Variants in IL12RB1 observed in about 807,000 individuals in gnomAD.
IL12RB1 encodes the protein interleukin 12 receptor subunit beta 1.
IL12RB1 carries 64 observed loss-of-function variants against 94.4 expected under a neutral mutation model. The observed-to-expected ratio is 0.68, with a 90% CI of 0.55 to 0.83. IL12RB1 has a LOEUF of 0.83. IL12RB1 is among the 40% of genes least tolerant of loss of function. The probability of loss-of-function intolerance (pLI) is 0.00; values close to 1 mark genes in which losing one functional copy is unlikely to be tolerated. For synonymous variants in IL12RB1, 362 were observed against 355.5 expected (o/e 1.02, Z -0.21); for missense variants, 814 against 855.6 (o/e 0.95, Z 0.61).
At chr19:18,097,349 T>C (rs2037031441) in intron 1 of IL12RB1, among the ~76,000 whole-genome samples, 1 of 151,986 alleles carries the variant, frequency 6.6e-6, no homozygotes, top group African/African-American at 2.4e-5. Context: ...AAGTAATTTT[T>C]TTTTTGTTTT....
chr19:18,086,935 GA>G (rs746908722), upstream of IL12RB1: 7 of 1,539,572 alleles, frequency 4.5e-6, no homozygotes, highest in South Asian at 4.8e-5. Context: ...AGAAAAGACT[GA>G]AAAAAAAGAA....
chr19:18,072,268 G>C lies in IL12RB1; in HGVS notation c.865C>G (p.Leu289Val), dbSNP rs1208670735. The change falls in exon 9 of 17, where the codon CTG becomes GTG. Residue 289 changes from leucine (L) to valine (V), a missense_variant. Transcript: ENST00000593993. ...EVTYRLQLHMLSCPCKAKATR... is the reference protein window; with the variant it reads ...EVTYRLQLHMVSCPCKAKATR... ...GCCTTGGCCTTACACGGGCAGGACA[G>C]CATGTGGAGCTGTAGTCGGTAAGTG... The C allele has an allele frequency of 1.9e-6, 3 of 1,614,000 alleles. No homozygotes were observed. The highest frequency in any genetic ancestry group is 1.7e-5 in the Admixed American group (1 of 59,996).
Position 18,060,591 on chromosome 19 carries a change from G to A in IL12RB1, c.1792-506C>T, listed in dbSNP as rs76264960. Reference sequence around the variant, plus strand: ...ATTTCCCTCCCTCTTTTCACAGATGGTGTGGTTGACAGTGCAGTGACCCCA... The same window carrying A: ...ATTTCCCTCCCTCTTTTCACAGATGATGTGGTTGACAGTGCAGTGACCCCA... On this transcript the variant is annotated intron_variant, in intron 15 of 16. Transcript: ENST00000593993. Among the ~76,000 whole-genome samples the A allele has an allele frequency of 9.9e-3, 1,503 of 152,108 alleles. 102 individuals are homozygous for A. The East Asian group carries it at 0.19, about 19-fold the overall frequency.
rs1336490207 is a variant in IL12RB1 at position 18,077,587 on chromosome 19, C to A, written c.478G>T (p.Glu160Ter). ...GCACCAACCTGGTTATCCGGGGTCT[C>A]CCACTCCATACGCAGCTGCCCGGCC... ...KLAGQLRMEW[E>*]TPDNQVGAEV... Residue 160 changes from glutamate to a stop codon, truncating the protein, a stop_gained, in exon 5 of 17, where the codon GAG becomes TAG. Transcript: ENST00000593993. LOFTEE classifies it high-confidence loss of function. 6.2e-7 allele frequency: 1 copy of A among 1,605,386 alleles called. No homozygotes were observed. The highest frequency in any genetic ancestry group is 8.5e-7 in the Non-Finnish European group (1 of 1,172,198).
At chr19:18,092,514 T>C (rs984594713) in intron 1 of IL12RB1, among the ~76,000 whole-genome samples, 8 of 151,290 alleles carry the variant, frequency 5.3e-5, no homozygotes, top group Non-Finnish European at 1.2e-4. Flanking sequence ...AAAATAAAAA[T>C]ACAAAATTAG....
At chr19:18,078,683 T>TTTTG (rs963762879) in intron 4 of IL12RB1, among the ~76,000 whole-genome samples, 3 of 151,870 alleles carry the variant, frequency 2.0e-5, no homozygotes, top group South Asian at 2.1e-4. Flanking sequence ...CCAATTCTTT[T>TTTTG]TTTGTTTGTT....
chr19:18,061,233 GTTT>G (rs67773732), intron 14 of IL12RB1, 36 bp from the exon 15 acceptor site: 56 of 823,490 alleles, frequency 6.8e-5, no homozygotes, highest in Middle Eastern at 2.6e-4. Flanking sequence ...AGGAGCTGAG[GTTT>G]TTTTTTTTTT....
chr19:18,082,586 A>G (rs2035994004), intron 2 of IL12RB1, among the ~76,000 whole-genome samples: 1 of 152,138 alleles, frequency 6.6e-6, no homozygotes, highest in Admixed American at 6.6e-5. Context: ...TTTGTGATAG[A>G]CATTTGTTTG....
chr19:18,071,909 C>A (rs1738203598), intron 9 of IL12RB1, among the ~76,000 whole-genome samples: 5 of 152,200 alleles, frequency 3.3e-5, no homozygotes, highest in African/African-American at 1.2e-4. Flanking sequence ...AGGTGATTCA[C>A]CTGTCTTAGC....
At chr19:18,098,277 G>T (rs2037180179) in intron 1 of IL12RB1, among the ~76,000 whole-genome samples, 1 of 152,164 alleles carries the variant, frequency 6.6e-6, no homozygotes, top group Non-Finnish European at 1.5e-5. Context: ...ACGACCTGGG[G>T]AGGTTGGGGC....
In IL12RB1 at chr19:18,066,640, A is replaced by G. The variant is rs546856238; in HGVS notation, c.1385T>C (p.Val462Ala). 1.2e-6 allele frequency: 2 copies of G among 1,612,004 alleles called. No individual in the cohort carries two copies. The highest frequency in any genetic ancestry group is 1.3e-5 in the African/African-American group (1 of 75,022). ...VSVKNHSLDS[V>A]SVDWAPSLLS... ...CAGGGATGGTGCCCAGTCCACAGAC[A>G]CAGAGTCCAAGCTATGATTCTTCAC... Residue 462 changes from valine (V) to alanine (A), a missense_variant, in exon 12 of 17, where the codon GTG becomes GCG. Coordinates refer to ENST00000593993, the MANE Select transcript of IL12RB1 (RefSeq NM_005535.3).
rs572544038 is a variant in IL12RB1, at chr19:18,061,958, C to T, written c.1715+223G>A. On this transcript the variant is annotated intron_variant, in intron 14 of 16. Transcript: ENST00000593993. The stretch of plus-strand genomic sequence containing the variant: ...GTATAAATCTGACTGCAAAACCGCT[C>T]TCAGCGGCTACTCTCCGCCTACAGG... 2.0e-5 allele frequency among the ~76,000 whole-genome samples: 3 copies of T among 152,356 alleles called. No homozygotes were observed. The South Asian group carries it at 6.2e-4, about 32-fold the overall frequency.
At chr19:18,071,422 T>C in intron 9 of IL12RB1, 1 of 688,446 alleles carries the variant, frequency 1.5e-6, no homozygotes, top group Non-Finnish European at 2.2e-6. Flanking sequence ...TTTTCTTTTT[T>C]GAAAAAGAGT....
chr19:18,066,756 G>A, intron 11 of IL12RB1, 59 bp from the exon 12 acceptor site: 1 of 1,442,840 alleles, frequency 6.9e-7, no homozygotes, highest in Non-Finnish European at 9.6e-7. Context: ...GCCTGGCACA[G>A]TGGCTCGCAC....
rs1374340855 is a variant in IL12RB1 at position 18,059,877 on chromosome 19, C to T, written c.1983+17G>A. ...AGGGTTGCACCCCTGACCGTCTGGC[C>T]CACTGGGCCCCAGGACCTTGGCCTT... On this transcript the variant is annotated intron_variant, in intron 16 of 16. Transcript: ENST00000593993. 17 of 1,515,714 alleles carry T rather than the reference C, an allele frequency of 1.1e-5. No homozygotes were observed. Among genetic ancestry groups the T allele is most frequent in the Non-Finnish European group, 1.5e-5 (17 of 1,110,184 alleles). 93.9% of individuals were successfully genotyped at this position (1,515,714 alleles called of 1,614,324 possible).
At position 18,073,494 on chromosome 19, in the gene IL12RB1, C is replaced by T. The variant is rs1197662579; in HGVS notation, c.783+23G>A. Reference sequence around the variant, plus strand: ...CTGCTCCCCATCCCAGGCCACCCCACAGCCCTGTGACAGCCCCGTTACCTG... The same window carrying T: ...CTGCTCCCCATCCCAGGCCACCCCATAGCCCTGTGACAGCCCCGTTACCTG... On this transcript the variant is annotated intron_variant, in intron 8 of 16. Transcript: ENST00000593993. 5 of 1,501,444 alleles carry T rather than the reference C, an allele frequency of 3.3e-6. No homozygotes were observed. In the South Asian group the frequency reaches 5.6e-5, roughly 17 times the overall value. 93.0% of individuals were successfully genotyped at this position (1,501,444 alleles called of 1,614,324 possible). A position where few individuals can be genotyped will look rare whatever the true frequency, so the allele number is the denominator to read the frequency against.
intron 12 of IL12RB1, 125 bp from the exon 13 acceptor site, chr19:18,064,135 T>G (rs62121126): frequency 4.4e-6 from 2 of 458,318 alleles, no homozygotes; most frequent in African/African-American, 4.6e-5. Context: ...CTACTCTTTC[T>G]TTCTTTTTTT....
intron 8 of IL12RB1, among the ~76,000 whole-genome samples, chr19:18,072,678 G>T (rs1163077278): frequency 6.6e-6 from 1 of 151,888 alleles, no homozygotes; most frequent in Non-Finnish European, 1.5e-5. Context: ...CCGGGCACGG[G>T]GGCTCACGCC....
intron 14 of IL12RB1, among the ~76,000 whole-genome samples, chr19:18,061,862 C>A (rs1182400345): frequency 1.3e-4 from 18 of 141,962 alleles, no homozygotes; most frequent in East Asian, 6.1e-4. Context: ...GACTCCATCT[C>A]AAAAAAGAAA....
Sources: gnomAD v4.1 joint callset for allele counts (sites outside exome capture counted in the v4.1 genomes callset) on GRCh38, gnomAD v4.1.1 for gene constraint, MANE v1.5 for transcripts, NCBI Gene and HGNC (gene_info 2026-07-23, HGNC 2026-07-21) for gene names.